AGAP1: variants seen among roughly 807,000 people sequenced by gnomAD.
AGAP1 encodes arf-GAP with GTPase, ANK repeat and PH domain-containing protein 1.
In AGAP1, 29 loss-of-function variants were observed where a neutral mutation model predicts 105.3. The observed-to-expected ratio is 0.28, with a 90% CI of 0.21 to 0.38. AGAP1 has a LOEUF of 0.38. AGAP1 is among the 10% of genes least tolerant of loss of function. The pLI is 1.00. For synonymous variants in AGAP1, 509 were observed against 485.9 expected, an observed-to-expected ratio of 1.05 and a Z score of -0.63; for missense variants, 998 against 1,165.1, an observed-to-expected ratio of 0.86 and a Z score of 2.09.
At chr2:235,544,616 A>G (rs983638826) in intron 1 of AGAP1, among the ~76,000 whole-genome samples, 24 of 152,156 alleles carry the variant, frequency 1.6e-4, no homozygotes, top group Admixed American at 3.3e-4. Context: ...GTGGTCCACC[A>G]AGGTGGGACA....
rs35825564 is a variant in AGAP1 at position 235,970,206 on chromosome 2, TAAAAAAAAA to T, written c.1645+1597_1645+1605del. Among the ~76,000 whole-genome samples, 770 of 117,884 alleles carry T rather than the reference TAAAAAAAAA, an allele frequency of 6.5e-3. 1 individual carries two copies. The highest frequency in any genetic ancestry group is 9.6e-3 in the Non-Finnish European group (561 of 58,370). The allele number at this position is 117,884 out of a possible 152,430, so 77.3% of individuals were successfully genotyped here. On this transcript the variant is annotated intron_variant, in intron 13 of 17. Coordinates refer to ENST00000304032, the MANE Select transcript of AGAP1 (RefSeq NM_001037131.3). The surrounding 1 kb of genome is among the most constrained non-coding windows in gnomAD (Gnocchi z 5.4). ...GGGCGACAGAGTGAGACTCTGTCTT[TAAAAAAAAA>T]AAAAAAAAAAAAAGACGATTTTTCT...
intron 10 of AGAP1, among the ~76,000 whole-genome samples, chr2:235,898,313 T>G (rs2050904329): frequency 6.6e-6 from 1 of 152,106 alleles, no homozygotes. Context: ...TTTTTTCCCC[T>G]TGCATTTTAG....
intron 1 of AGAP1, among the ~76,000 whole-genome samples, chr2:235,592,038 C>A (rs926127846): frequency 6.6e-6 from 1 of 152,232 alleles, no homozygotes; most frequent in African/African-American, 2.4e-5. Context: ...AATTACCCAG[C>A]CTCAGGCATT....
At chr2:235,861,813 AC>A (rs2048937881) in intron 9 of AGAP1, among the ~76,000 whole-genome samples, 1 of 152,094 alleles carries the variant, frequency 6.6e-6, no homozygotes, top group Non-Finnish European at 1.5e-5. Context: ...TCTGTATCTT[AC>A]CTCCATCTGG....
chr2:235,823,589 T>C (rs1199972845), intron 9 of AGAP1, among the ~76,000 whole-genome samples: 3 of 152,200 alleles, frequency 2.0e-5, no homozygotes, highest in Non-Finnish European at 4.4e-5. Context: ...CCAGATGCTC[T>C]TCCAGTACCA....
At position 236,012,348 on chromosome 2, in the gene AGAP1, G is replaced by T. The variant is rs57998433; in HGVS notation, c.1646-24213G>T. On this transcript the variant is annotated intron_variant, in intron 13 of 17. Transcript: ENST00000304032. The surrounding 1 kb of genome is among the most constrained non-coding windows in gnomAD (Gnocchi z 4.9). Reference sequence around the variant, plus strand: ...ATGTAAATATTGCTGCAAGAGGTAAGTTGTACTCTTGAGGAGTGCAGCCTT... The same window carrying T: ...ATGTAAATATTGCTGCAAGAGGTAATTTGTACTCTTGAGGAGTGCAGCCTT... Among the ~76,000 whole-genome samples the T allele has an allele frequency of 4.0e-3, 612 of 152,200 alleles. 6 individuals carry two copies. Among genetic ancestry groups the T allele is most frequent in the African/African-American group, 0.014 (579 of 41,522 alleles).
At chr2:235,514,169 CA>C (rs1942278945) in intron 1 of AGAP1, among the ~76,000 whole-genome samples, 17 of 151,898 alleles carry the variant, frequency 1.1e-4, no homozygotes, top group Admixed American at 1.0e-3. Flanking sequence ...CGCGCACACA[CA>C]CACACACACA....
chr2:235,511,299 T>C (rs1187908733), intron 1 of AGAP1, among the ~76,000 whole-genome samples: 1 of 151,522 alleles, frequency 6.6e-6, no homozygotes, highest in African/African-American at 2.4e-5. Flanking sequence ...GGTGTAATTA[T>C]CTAGAGGTGT....
chr2:235,651,511 T>C (rs1206680793), intron 1 of AGAP1, among the ~76,000 whole-genome samples: 2 of 152,092 alleles, frequency 1.3e-5, no homozygotes, highest in African/African-American at 4.8e-5. Context: ...CATAGGCAAA[T>C]AGACAAAAAC....
intron 1 of AGAP1, among the ~76,000 whole-genome samples, chr2:235,669,201 CTT>C (rs1948232613): frequency 6.6e-6 from 1 of 152,174 alleles, no homozygotes; most frequent in Non-Finnish European, 1.5e-5. Context: ...AGTCACATCT[CTT>C]TGTTCTTGTC....
Position 235,963,597 on chromosome 2 carries a change from G to A in AGAP1, c.1484-4865G>A, listed in dbSNP as rs2054274505. 6.6e-6 allele frequency among the ~76,000 whole-genome samples: 1 copy of A among 152,152 alleles called. No individual in the cohort carries two copies. The highest frequency in any genetic ancestry group is 1.5e-5 in the Non-Finnish European group (1 of 68,034). ...CTCATAGGCAAGTTGAAAGATATGT[G>A]AGCTGAACACAAAGACAGTGTAATT... On this transcript the variant is annotated intron_variant, in intron 12 of 17. Coordinates refer to ENST00000304032, the MANE Select transcript of AGAP1 (RefSeq NM_001037131.3). The surrounding 1 kb of genome is among the most constrained non-coding windows in gnomAD (Gnocchi z 5.1).
intron 1 of AGAP1, among the ~76,000 whole-genome samples, chr2:235,584,906 T>TC (rs1246732848): frequency 4.0e-5 from 6 of 148,238 alleles, no homozygotes; most frequent in Non-Finnish European, 8.9e-5. Flanking sequence ...CATTACCTTT[T>TC]TTTTTTTTTT....
rs1559258309 is a variant in AGAP1 at position 236,082,959 on chromosome 2, C to T, written c.2114+33678C>T. Reference sequence around the variant, plus strand: ...TCACCTGAGGTCAGGAATTCAAGACCAGCCTGACCAACATGGAGAAACCCT... The same window carrying T: ...TCACCTGAGGTCAGGAATTCAAGACTAGCCTGACCAACATGGAGAAACCCT... On this transcript the variant is annotated intron_variant, in intron 16 of 17. Coordinates refer to ENST00000304032, the MANE Select transcript of AGAP1 (RefSeq NM_001037131.3). The surrounding 1 kb of genome is among the most constrained non-coding windows in gnomAD (Gnocchi z 4.2). 6.6e-6 allele frequency among the ~76,000 whole-genome samples: 1 copy of T among 152,024 alleles called. No individual in the cohort carries two copies. Among genetic ancestry groups the T allele is most frequent in the Non-Finnish European group, 1.5e-5 (1 of 68,018 alleles).
intron 13 of AGAP1, among the ~76,000 whole-genome samples, chr2:235,972,251 A>G (rs2054678625): frequency 6.6e-6 from 1 of 152,220 alleles, no homozygotes; most frequent in African/African-American, 2.4e-5. Context: ...AAGTAGTTGA[A>G]TTTTATGGTT....
At chr2:236,102,261 C>CAA (rs1296168848) in intron 16 of AGAP1, among the ~76,000 whole-genome samples, 1 of 151,900 alleles carries the variant, frequency 6.6e-6, no homozygotes, top group Non-Finnish European at 1.5e-5. Context: ...ACTAAAAATA[C>CAA]AAAAAATTAG....
intron 9 of AGAP1, among the ~76,000 whole-genome samples, chr2:235,833,978 G>A (rs577619444): frequency 4.0e-4 from 60 of 148,682 alleles, no homozygotes; most frequent in African/African-American, 1.4e-3. Flanking sequence ...AAAGCCAGTA[G>A]CAGCACTGGC....
In AGAP1 at chr2:235,977,594, C is replaced by T. The variant is rs1194978555; in HGVS notation, c.1645+8971C>T. ...CCCACGCTCTGTTAGACACATGCGG[C>T]CTGGGCTTCAGGAAGTAGAGATGCC... On this transcript the variant is annotated intron_variant, in intron 13 of 17. Transcript: ENST00000304032. This position sits in a 1 kb window ranked among gnomAD's most constrained non-coding sequence, Gnocchi z 5.2. 6.6e-6 allele frequency among the ~76,000 whole-genome samples: 1 copy of T among 152,060 alleles called. No homozygotes were observed. Among genetic ancestry groups the T allele is most frequent in the Middle Eastern group, 3.2e-3 (1 of 316 alleles).
intron 9 of AGAP1, among the ~76,000 whole-genome samples, chr2:235,820,603 T>G (rs560460239): frequency 6.6e-6 from 1 of 152,364 alleles, no homozygotes; most frequent in African/African-American, 2.4e-5. Context: ...TTGTTCAGTC[T>G]CTATCAGCCA....
intron 6 of AGAP1, among the ~76,000 whole-genome samples, chr2:235,772,010 T>G (rs1247892842): frequency 6.6e-6 from 1 of 150,496 alleles, no homozygotes; most frequent in East Asian, 1.9e-4. Context: ...TTTTTTTTTT[T>G]TTTGAGTTGG....
Sources: gnomAD v4.1 joint callset for allele counts (sites outside exome capture counted in the v4.1 genomes callset) on GRCh38, gnomAD v4.1.1 for gene constraint, Gnocchi (gnomAD v3.1) non-coding constraint, MANE v1.5 for transcripts, NCBI Gene and HGNC (gene_info 2026-07-23, HGNC 2026-07-21) for gene names.